The following MPPED1 variants were observed in gnomAD, a reference collection of about 807,000 sequenced individuals.
The protein encoded by MPPED1 is metallophosphoesterase domain containing 1, also known as metallophosphoesterase domain-containing protein 1.
Under a neutral mutation model 36.2 loss-of-function variants are expected in MPPED1, and 16 were observed. The ratio of observed to expected loss-of-function variants is 0.44; its 90% CI spans 0.30 to 0.67. MPPED1 has a LOEUF of 0.67. Ranked by LOEUF, MPPED1 falls within the 30% of genes least tolerant of loss-of-function variation. The pLI, the probability that MPPED1 is intolerant of heterozygous loss-of-function variation, is 0.10. For synonymous variants in MPPED1, 199 were observed against 191.3 expected (o/e 1.04, Z -0.33); for missense variants, 307 against 453.4 (o/e 0.68, Z 2.93).
chr22:43,497,935 G>GTATACATATATATA (rs1932481177), intron 4 of MPPED1, among the ~76,000 whole-genome samples: 1 of 128,364 alleles, frequency 7.8e-6, no homozygotes, highest in Non-Finnish European at 1.6e-5. Context: ...ATATGTATAT[G>GTATACATATATATA]TATATATATA....
chr22:43,432,868 A>G lies in MPPED1; in HGVS notation c.225-2166A>G, dbSNP rs867270942. ...AAGGGAGGAGAGAGAGAAAGGGAGG[A>G]GAGAGAGAGGGAAAGAGAAAGGGAG... On this transcript the variant is annotated intron_variant, in intron 2 of 6. Coordinates refer to ENST00000443721, the MANE Select transcript of MPPED1 (RefSeq NM_001044370.2). Among the ~76,000 whole-genome samples the G allele has an allele frequency of 9.7e-3, 758 of 78,380 alleles. 4 individuals carry two copies. The highest frequency in any genetic ancestry group is 0.02 in the South Asian group (25 of 1,254). 51.4% of individuals were successfully genotyped at this position (78,380 alleles called of 152,430 possible). A position where few individuals can be genotyped will look rare whatever the true frequency, so the allele number is the denominator to read the frequency against.
chr22:43,444,689 C>A (rs1316637073), intron 3 of MPPED1, among the ~76,000 whole-genome samples: 1 of 151,216 alleles, frequency 6.6e-6, no homozygotes, highest in Non-Finnish European at 1.5e-5. Context: ...TTTTTGAAGA[C>A]CATTATCCTA....
intron 4 of MPPED1, among the ~76,000 whole-genome samples, chr22:43,496,470 T>TGGTGGA: frequency 2.9e-5 from 2 of 68,778 alleles, no homozygotes; most frequent in Non-Finnish European, 5.3e-5. Flanking sequence ...GAGATGGTGG[T>TGGTGGA]GGTGGTGGTG....
chr22:43,445,910 T>A (rs1423052110), intron 3 of MPPED1, among the ~76,000 whole-genome samples: 2 of 113,150 alleles, frequency 1.8e-5, no homozygotes, highest in Non-Finnish European at 3.4e-5. Flanking sequence ...TGAGACAGGG[T>A]CCTAGGCTGG....
intron 2 of MPPED1, among the ~76,000 whole-genome samples, chr22:43,425,422 G>A (rs1225731778): frequency 2.0e-5 from 3 of 152,240 alleles, no homozygotes; most frequent in African/African-American, 4.8e-5. Flanking sequence ...GATTCTGGCC[G>A]CAGTCCTGTT....
In MPPED1 at chr22:43,443,667, TA is replaced by T. The variant is rs146411342; in HGVS notation, c.406+8461del. Among the ~76,000 whole-genome samples the T allele has an allele frequency of 5.5e-4, 83 of 149,906 alleles. 1 individual carries two copies. Among genetic ancestry groups the T allele is most frequent in the Non-Finnish European group, 8.9e-4 (60 of 67,478 alleles). ...AAATTTTATGATGTGATCACTTTGA[TA>T]AAAAAAAAGTCCAACCAACTTTTTT... On this transcript the variant is annotated intron_variant, in intron 3 of 6. Transcript: ENST00000443721.
chr22:43,460,305 T>C (rs1221439014), intron 3 of MPPED1, among the ~76,000 whole-genome samples: 2 of 78,012 alleles, frequency 2.6e-5, no homozygotes, highest in African/African-American at 4.4e-5. Context: ...CAAAAAAAAC[T>C]GGATTTTGTT....
intron 3 of MPPED1, among the ~76,000 whole-genome samples, chr22:43,467,065 T>C (rs1931198449): frequency 6.6e-6 from 1 of 152,194 alleles, no homozygotes; most frequent in South Asian, 2.1e-4. Context: ...ATCAGCTTGA[T>C]CATTGCAAGA....
At chr22:43,414,975 G>C (rs1198793932) in intron 1 of MPPED1, among the ~76,000 whole-genome samples, 1 of 152,062 alleles carries the variant, frequency 6.6e-6, no homozygotes, top group Non-Finnish European at 1.5e-5. Context: ...TTCTGGCCTG[G>C]GCGCCTCACC....
At chr22:43,495,012 A>T (rs1035167532) in intron 4 of MPPED1, among the ~76,000 whole-genome samples, 1 of 152,040 alleles carries the variant, frequency 6.6e-6, no homozygotes, top group Non-Finnish European at 1.5e-5. Flanking sequence ...CCTCCCAGAG[A>T]CCCCACCTCC....
chr22:43,432,673 A>G lies in MPPED1; in HGVS notation c.225-2361A>G, dbSNP rs1301097207. ...AGAGAAAGGGAGGAGAGAGAGAGAA[A>G]GGGAGGAGAGAGAGAGAAAGGGAGG... On this transcript the variant is annotated intron_variant, in intron 2 of 6. Transcript: ENST00000443721. Among the ~76,000 whole-genome samples the G allele has an allele frequency of 3.6e-3, 8 of 2,242 alleles. 1 individual carries two copies. The highest frequency in any genetic ancestry group is 0.038 in the South Asian group (1 of 26). 1.5% of individuals were successfully genotyped at this position (2,242 alleles called of 152,430 possible).
chr22:43,443,254 G>A (rs573286405), intron 3 of MPPED1, among the ~76,000 whole-genome samples: 3 of 152,202 alleles, frequency 2.0e-5, no homozygotes, highest in South Asian at 2.1e-4. Context: ...ATCCTGGGCC[G>A]CTGACCAGCT....
intron 5 of MPPED1, among the ~76,000 whole-genome samples, chr22:43,501,550 C>A (rs1932735690): frequency 6.6e-6 from 1 of 152,244 alleles, no homozygotes; most frequent in Admixed American, 6.5e-5. Flanking sequence ...CTTGCATCAT[C>A]TCCGGACTGT....
intron 1 of MPPED1, among the ~76,000 whole-genome samples, chr22:43,416,015 T>C (rs1440245338): frequency 1.3e-5 from 2 of 152,262 alleles, no homozygotes; most frequent in Non-Finnish European, 2.9e-5. Context: ...TGCTGCAGTC[T>C]GCAAGCCTGC....
At chr22:43,417,783 C>T (rs181954098) in intron 1 of MPPED1, 4 of 284,376 alleles carry the variant, frequency 1.4e-5, no homozygotes, top group African/African-American at 8.9e-5. Context: ...GAGCCACCGG[C>T]CTGAAGACAG....
At chr22:43,468,304 CT>C (rs1931244507) in intron 3 of MPPED1, among the ~76,000 whole-genome samples, 1 of 152,208 alleles carries the variant, frequency 6.6e-6, no homozygotes, top group Admixed American at 6.5e-5. Context: ...CTGAAAAGCA[CT>C]AGTTTTGGCA....
At chr22:43,503,841 C>A (rs536844158) in intron 6 of MPPED1, among the ~76,000 whole-genome samples, 1 of 152,286 alleles carries the variant, frequency 6.6e-6, no homozygotes, top group East Asian at 1.9e-4. Flanking sequence ...CACAATTGGA[C>A]AGGCACAATT....
At chr22:43,429,566 G>A (rs146145977) in intron 2 of MPPED1, among the ~76,000 whole-genome samples, 132 of 152,338 alleles carry the variant, frequency 8.7e-4, no homozygotes, top group African/African-American at 7.2e-5. Context: ...AGTCTTTCCC[G>A]CTCCAGCTCT....
intron 4 of MPPED1, among the ~76,000 whole-genome samples, chr22:43,478,568 G>A (rs563809522): frequency 3.9e-5 from 6 of 152,308 alleles, no homozygotes; most frequent in South Asian, 4.2e-4. Flanking sequence ...AGCTGAAAGG[G>A]TGTGGCAGGC....
Sources: allele counts gnomAD v4.1 joint callset (sites outside exome capture counted in the v4.1 genomes callset), GRCh38; gene constraint gnomAD v4.1.1; transcripts MANE v1.5; gene names NCBI Gene and HGNC (gene_info 2026-07-23, HGNC 2026-07-21).